Variants in CNOT2 observed in about 807,000 individuals in gnomAD.
CNOT2 encodes CCR4-NOT transcription complex subunit 2.
CNOT2 carries 7 observed loss-of-function variants against 72.1 expected under a neutral mutation model. The observed-to-expected ratio is 0.10, with a 90% CI of 0.06 to 0.18. The LOEUF is 0.18. Ranked by LOEUF, CNOT2 falls within the 10% of genes least tolerant of loss-of-function variation. The pLI is 1.00. For synonymous variants in CNOT2, 196 were observed against 225.6 expected, an observed-to-expected ratio of 0.87 and a Z score of 1.17; for missense variants, 345 against 660.3, an observed-to-expected ratio of 0.52 and a Z score of 5.23.
chr12:70,250,705 A>G (rs1958103430), intron 1 of CNOT2, among the ~76,000 whole-genome samples: 1 of 152,142 alleles, frequency 6.6e-6, no homozygotes, highest in South Asian at 2.1e-4. Flanking sequence ...AGCCATGCAG[A>G]AATGTGGTTG....
chr12:70,331,271 G>A (rs917148807), intron 6 of CNOT2: 1 of 151,786 alleles, frequency 6.6e-6, no homozygotes. Flanking sequence ...AATAGGTTTA[G>A]CACATTTACT....
At chr12:70,282,493 G>A (rs567355342) in intron 2 of CNOT2, among the ~76,000 whole-genome samples, 9 of 152,132 alleles carry the variant, frequency 5.9e-5, no homozygotes, top group Middle Eastern at 3.4e-3. Context: ...TTACCAAAAC[G>A]TTGAAGAAAA....
At chr12:70,339,389 C>T (rs1881189699) in intron 11 of CNOT2, among the ~76,000 whole-genome samples, 1 of 152,198 alleles carries the variant, frequency 6.6e-6, no homozygotes, top group South Asian at 2.1e-4. Flanking sequence ...TCTTCCAGAT[C>T]CCCGTCTCTT....
At chr12:70,311,115 G>C (rs780642158) in intron 3 of CNOT2, 98 bp downstream of exon 3, 35 of 813,084 alleles carry the variant, frequency 4.3e-5, no homozygotes, top group Admixed American at 1.4e-4. Context: ...GTCTGTGGTT[G>C]AGTGACAATC....
At position 70,274,690 on chromosome 12, in the gene CNOT2, A is replaced by G. The variant is rs148276456; in HGVS notation, c.-95-3442A>G. 3.7e-4 allele frequency among the ~76,000 whole-genome samples: 56 copies of G among 152,218 alleles called. No homozygotes were observed. The East Asian group carries it at 0.01, about 28-fold the overall frequency. On this transcript the variant is annotated intron_variant, in intron 1 of 15. Transcript: ENST00000229195. Reference sequence around the variant, plus strand: ...AGTCATTTTATTTTATAGCTTAGGAAACTAAGGCCAGAGAGAAGTAATTGA... The same window carrying G: ...AGTCATTTTATTTTATAGCTTAGGAGACTAAGGCCAGAGAGAAGTAATTGA...
At chr12:70,261,629 A>G (rs1326290941) in intron 1 of CNOT2, among the ~76,000 whole-genome samples, 1 of 151,352 alleles carries the variant, frequency 6.6e-6, no homozygotes, top group East Asian at 1.9e-4. Flanking sequence ...TTTTGTGCCT[A>G]TTTTCATAAG....
chr12:70,329,518 CCAA>C lies in CNOT2; in HGVS notation c.340_342del (p.Thr114del). 1 of 1,610,936 alleles carries C rather than the reference CCAA, an allele frequency of 6.2e-7. No homozygotes were observed. The highest frequency in any genetic ancestry group is 8.5e-7 in the Non-Finnish European group (1 of 1,177,588). Reference sequence around the variant, plus strand: ...CACTCAGTTACCGAGCCACGTCACGCCAACAACAGGGGTACCAACAATGTCACT... The same window carrying C: ...CACTCAGTTACCGAGCCACGTCACGCCAACAGGGGTACCAACAATGTCACT... On this transcript the variant is annotated inframe_deletion, in exon 5 of 16. Coordinates refer to ENST00000229195, the MANE Select transcript of CNOT2 (RefSeq NM_014515.7).
intron 4 of CNOT2, 91 bp downstream of exon 4, chr12:70,319,455 G>T: frequency 1.6e-6 from 2 of 1,251,232 alleles, no homozygotes; most frequent in Non-Finnish European, 2.3e-6. Flanking sequence ...TCCTTTGTGG[G>T]TTTATTGTAT....
intron 2 of CNOT2, among the ~76,000 whole-genome samples, chr12:70,289,822 AGT>A (rs1450087839): frequency 6.6e-6 from 1 of 151,694 alleles, no homozygotes; most frequent in Non-Finnish European, 1.5e-5. Flanking sequence ...GTTTCTATTG[AGT>A]GTTGGTTTTT....
intron 6 of CNOT2, 181 bp from the exon 7 acceptor site, chr12:70,332,586 G>A: frequency 1.1e-6 from 1 of 931,558 alleles, no homozygotes; most frequent in Non-Finnish European, 1.4e-6. Context: ...ATTTGTTCAT[G>A]GAAGGACTTT....
intron 14 of CNOT2, chr12:70,344,641 CG>C (rs968125669): frequency 1.3e-5 from 2 of 153,958 alleles, no homozygotes; most frequent in African/African-American, 4.8e-5. Context: ...GCAGGAGGAT[CG>C]CTTGAGCCCA....
chr12:70,274,907 T>C (rs1868499730), intron 1 of CNOT2, among the ~76,000 whole-genome samples: 1 of 151,632 alleles, frequency 6.6e-6, no homozygotes. Flanking sequence ...AGATACTCTG[T>C]TTATCCATTC....
At chr12:70,349,829 GTC>G (rs3049210) in intron 15 of CNOT2, among the ~76,000 whole-genome samples, 21,925 of 151,896 alleles carry the variant, frequency 0.14, 1,913 homozygotes, top group Admixed American at 0.27. Context: ...GCAAGACTCT[GTC>G]TCTATAGAAA....
intron 1 of CNOT2, among the ~76,000 whole-genome samples, chr12:70,246,637 T>A (rs976803308): frequency 6.6e-6 from 1 of 152,160 alleles, no homozygotes; most frequent in Admixed American, 6.5e-5. Flanking sequence ...TTATATCAGA[T>A]ATTTTGAAAA....
chr12:70,351,681 G>C (rs1170319153), intron 15 of CNOT2, among the ~76,000 whole-genome samples: 1 of 152,100 alleles, frequency 6.6e-6, no homozygotes, highest in East Asian at 1.9e-4. Flanking sequence ...TTACCACTTT[G>C]TGGAAGTTAC....
chr12:70,308,806 AAC>A (rs1157981694), intron 2 of CNOT2, among the ~76,000 whole-genome samples: 1 of 152,120 alleles, frequency 6.6e-6, no homozygotes, highest in African/African-American at 2.4e-5. Flanking sequence ...GTGTTATACA[AAC>A]AGTGTCAAAA....
Position 70,354,082 on chromosome 12 carries a change from T to C in CNOT2, c.*167T>C, listed in dbSNP as rs780145489. ...AAAGGTCACCATTTGAGGTCCTGCC[T>C]TACTAATTATGTGCTGCCCAACAAC... On this transcript the variant is annotated 3_prime_UTR_variant, in exon 16 of 16. Transcript: ENST00000229195. 2.9e-5 allele frequency: 36 copies of C among 1,234,756 alleles called. No homozygotes were observed. The highest frequency in any genetic ancestry group is 3.4e-5 in the Non-Finnish European group (32 of 941,148). 76.5% of individuals were successfully genotyped at this position (1,234,756 alleles called of 1,614,324 possible).
chr12:70,280,070 AT>A (rs1421550280), intron 2 of CNOT2, among the ~76,000 whole-genome samples: 1 of 152,178 alleles, frequency 6.6e-6, no homozygotes, highest in East Asian at 1.9e-4. Flanking sequence ...ATAAGAATGT[AT>A]GGGAAATTCA....
At chr12:70,351,635 A>G (rs1593301883) in intron 15 of CNOT2, among the ~76,000 whole-genome samples, 1 of 152,238 alleles carries the variant, frequency 6.6e-6, no homozygotes, top group African/African-American at 2.4e-5. Context: ...GTAGTTCATC[A>G]ATGTGAAAAA....
Sources: gnomAD v4.1 joint callset for allele counts (sites outside exome capture counted in the v4.1 genomes callset) on GRCh38, gnomAD v4.1.1 for gene constraint, MANE v1.5 for transcripts, NCBI Gene and HGNC (gene_info 2026-07-23, HGNC 2026-07-21) for gene names.